The following RALB variants were observed in gnomAD, a reference collection of about 807,000 sequenced individuals.
RALB encodes the protein RAS like proto-oncogene B, also known as ras-related protein Ral-B.
A neutral mutation model predicts 21.3 loss-of-function variants in RALB; 16 were observed. The ratio of observed to expected loss-of-function variants is 0.75; its 90% CI spans 0.51 to 1.14. RALB has a LOEUF of 1.14. RALB is among the 50% of genes most tolerant of loss of function. The probability of loss-of-function intolerance (pLI) is 0.00; values close to 1 mark genes in which losing one functional copy is unlikely to be tolerated. For missense variants in RALB, 161 were observed against 256.2 expected (o/e 0.63, Z 2.54); for synonymous variants, 93 against 96.1 (o/e 0.97, Z 0.19).
intron 2 of RALB, among the ~76,000 whole-genome samples, chr2:120,279,216 G>A (rs548771700): frequency 2.0e-5 from 3 of 152,094 alleles, no homozygotes; most frequent in Non-Finnish European, 4.4e-5. Flanking sequence ...CAGTTCTCCC[G>A]TGCGGCAAGG....
intron 1 of RALB, among the ~76,000 whole-genome samples, chr2:120,261,386 G>A (rs913151673): frequency 1.3e-5 from 2 of 152,142 alleles, no homozygotes; most frequent in African/African-American, 4.8e-5. Context: ...GAGAAGAAGG[G>A]CGTGGAAGGT....
At chr2:120,269,195 T>TTC (rs1689586158) in intron 1 of RALB, among the ~76,000 whole-genome samples, 2 of 151,956 alleles carry the variant, frequency 1.3e-5, no homozygotes, top group African/African-American at 2.4e-5. Flanking sequence ...GTGTTACAGC[T>TTC]CTTAAACGTG....
In RALB at chr2:120,240,148, G is replaced by A. The variant is rs568427895; in HGVS notation, c.19+23G>A. 523 of 1,289,734 alleles carry A rather than the reference G, an allele frequency of 4.1e-4. 7 individuals carry two copies. In the South Asian group the frequency reaches 4.1e-3, roughly 10 times the overall value. 79.9% of individuals were successfully genotyped at this position (1,289,734 alleles called of 1,614,324 possible). ...CAGGTGGGTGCCCGCCCTCGGTGTGGATTGCACTTCGAAGCCCCACAGTGA... is the reference window on the plus strand; with the variant it reads ...CAGGTGGGTGCCCGCCCTCGGTGTGAATTGCACTTCGAAGCCCCACAGTGA... On this transcript the variant is annotated intron_variant, in intron 1 of 3. Coordinates refer to the RALB transcript ENST00000447591.
At chr2:120,257,274 C>T (rs1230503249) in intron 1 of RALB, among the ~76,000 whole-genome samples, 1 of 152,190 alleles carries the variant, frequency 6.6e-6, no homozygotes, top group African/African-American at 2.4e-5. Flanking sequence ...CCTCTTACTC[C>T]TCCCCATTAT....
At chr2:120,272,067 A>G (rs1351741432) in intron 1 of RALB, among the ~76,000 whole-genome samples, 1 of 152,180 alleles carries the variant, frequency 6.6e-6, no homozygotes, top group East Asian at 1.9e-4. Context: ...ATTTTCCCAC[A>G]GTTCTGAGGC....
At chr2:120,278,325 G>A (rs1468746064) in intron 1 of RALB, among the ~76,000 whole-genome samples, 1 of 129,630 alleles carries the variant, frequency 7.7e-6, no homozygotes, top group Non-Finnish European at 1.7e-5. Context: ...AGGCCCTGCT[G>A]AGGGTCTGAT....
intron 4 of RALB, among the ~76,000 whole-genome samples, chr2:120,291,054 G>A (rs1462756081): frequency 1.3e-5 from 2 of 152,216 alleles, no homozygotes; most frequent in East Asian, 1.9e-4. Flanking sequence ...TGACAAGGGA[G>A]AGATTTTTAT....
At chr2:120,277,658 T>C in intron 1 of RALB, among the ~76,000 whole-genome samples, 1 of 96,078 alleles carries the variant, frequency 1.0e-5, no homozygotes, top group African/African-American at 4.4e-5. Flanking sequence ...TTGAAAGTGT[T>C]GTGAGAGCGT....
At chr2:120,260,515 G>A (rs1032753365) in intron 1 of RALB, among the ~76,000 whole-genome samples, 1 of 152,254 alleles carries the variant, frequency 6.6e-6, no homozygotes, top group African/African-American at 2.4e-5. Context: ...TGTCTGTACA[G>A]CCACTGGGCT....
intron 2 of RALB, among the ~76,000 whole-genome samples, chr2:120,282,826 T>C (rs1281402482): frequency 6.6e-6 from 1 of 152,186 alleles, no homozygotes; most frequent in South Asian, 2.1e-4. Context: ...AAAACGGTGC[T>C]AATAGAAACT....
At chr2:120,246,029 A>AC (rs964345276) in intron 1 of RALB, among the ~76,000 whole-genome samples, 96 of 151,166 alleles carry the variant, frequency 6.4e-4, no homozygotes, top group East Asian at 2.7e-3. Flanking sequence ...ATGTCCTTTT[A>AC]CCCCCCGACA....
chr2:120,252,578 C>G (rs1689076693), upstream of RALB, among the ~76,000 whole-genome samples: 2 of 152,266 alleles, frequency 1.3e-5, no homozygotes, highest in African/African-American at 2.4e-5. Context: ...AGCTCCTCCA[C>G]TGCCGCAGGG....
intron 1 of RALB, among the ~76,000 whole-genome samples, chr2:120,271,607 C>T (rs1310482744): frequency 1.3e-5 from 2 of 152,192 alleles, no homozygotes; most frequent in African/African-American, 4.8e-5. Context: ...CTTCCCCATC[C>T]CATACCTTAT....
chr2:120,276,532 G>C (rs1394508095), intron 1 of RALB, among the ~76,000 whole-genome samples: 2 of 151,998 alleles, frequency 1.3e-5, no homozygotes, highest in Non-Finnish European at 2.9e-5. Context: ...GAATCCAGGA[G>C]GCAGAGGTTG....
chr2:120,242,698 A>T (rs984956461), intron 1 of RALB, among the ~76,000 whole-genome samples: 1 of 152,186 alleles, frequency 6.6e-6, no homozygotes, highest in Non-Finnish European at 1.5e-5. Flanking sequence ...AGATCGCACC[A>T]CTGCACTCCA....
intron 3 of RALB, among the ~76,000 whole-genome samples, chr2:120,287,698 G>A (rs956180004): frequency 6.6e-6 from 1 of 152,204 alleles, no homozygotes; most frequent in Non-Finnish European, 1.5e-5. Context: ...GATAGCACTC[G>A]GGCGTTCTCA....
intron 2 of RALB, chr2:120,280,921 TTTAA>T (rs1340177276): frequency 2.0e-5 from 8 of 409,698 alleles, no homozygotes; most frequent in Admixed American, 1.4e-4. Flanking sequence ...TGTCAGGCAG[TTTAA>T]TTAATAAAAA....
chr2:120,268,918 G>A (rs562712200), intron 1 of RALB, among the ~76,000 whole-genome samples: 2 of 129,038 alleles, frequency 1.5e-5, no homozygotes, highest in African/African-American at 6.2e-5. Flanking sequence ...ATAATTCTTT[G>A]TTTATATATA....
chr2:120,245,065 C>T (rs1304487966), intron 1 of RALB, among the ~76,000 whole-genome samples: 1 of 152,226 alleles, frequency 6.6e-6, no homozygotes, highest in Non-Finnish European at 1.5e-5. Flanking sequence ...GACCTTCGAG[C>T]CACGCTTATC....
Sources: gnomAD v4.1 joint callset for allele counts (sites outside exome capture counted in the v4.1 genomes callset) on GRCh38, gnomAD v4.1.1 for gene constraint, MANE v1.5 for transcripts, NCBI Gene and HGNC (gene_info 2026-07-23, HGNC 2026-07-21) for gene names.